The following NCAPH variants were observed in gnomAD, a reference collection of about 807,000 sequenced individuals.
The protein encoded by NCAPH is non-SMC condensin I complex subunit H.
NCAPH carries 38 observed loss-of-function variants against 85.5 expected under a neutral mutation model. The ratio of observed to expected loss-of-function variants is 0.44; its 90% CI spans 0.34 to 0.58. The LOEUF is 0.58. Among genes scored for constraint, NCAPH ranks in the 20% least tolerant of loss-of-function variants. The pLI, the probability that NCAPH is intolerant of heterozygous loss-of-function variation, is 0.01. For synonymous variants in NCAPH, 301 were observed against 335.1 expected, an observed-to-expected ratio of 0.90 and a Z score of 1.11; for missense variants, 789 against 916.6, an observed-to-expected ratio of 0.86 and a Z score of 1.80.
rs1427928178 is a variant in NCAPH at position 96,373,950 on chromosome 2, G to A, written c.*599G>A. The A allele has an allele frequency of 1.3e-5, 2 of 152,338 alleles. No homozygotes were observed. Among genetic ancestry groups the A allele is most frequent in the Non-Finnish European group, 2.9e-5 (2 of 68,076 alleles). The allele number at this position is 152,338 out of a possible 1,614,324, so 9.4% of individuals were successfully genotyped here. ...CACCTGTCAGTATAAGGCAGAAGAT[G>A]CCTAAGGGCCAAGATGGTTTGCCTC... On this transcript the variant is annotated 3_prime_UTR_variant, in exon 18 of 18. Transcript: ENST00000240423.
intron 1 of NCAPH, among the ~76,000 whole-genome samples, 155 bp downstream of exon 1, chr2:96,336,003 A>G (rs1486292845): frequency 7.9e-6 from 1 of 126,036 alleles, no homozygotes; most frequent in African/African-American, 3.0e-5. Context: ...GTGCGGGGGG[A>G]GGGGAGGGCC....
At chr2:96,335,999 GGGGA>G in intron 1 of NCAPH, 151 bp downstream of exon 1, 5 of 768,214 alleles carry the variant, frequency 6.5e-6, no homozygotes, top group Non-Finnish European at 5.6e-6. Context: ...GCCGGTGCGG[GGGGA>G]GGGGAGGGCC....
At chr2:96,362,304 C>T (rs767893152) in intron 12 of NCAPH, among the ~76,000 whole-genome samples, 9 of 151,858 alleles carry the variant, frequency 5.9e-5, no homozygotes, top group Non-Finnish European at 1.3e-4. Flanking sequence ...GAAGTTGATT[C>T]TGACTCTTAT....
At position 96,342,075 on chromosome 2, in the gene NCAPH, C is replaced by A. The variant is rs1265273007; in HGVS notation, c.298C>A (p.Pro100Thr). The A allele has an allele frequency of 6.2e-7, 1 of 1,612,542 alleles. No individual in the cohort carries two copies. The highest frequency in any genetic ancestry group is 1.7e-5 in the Admixed American group (1 of 60,014). The change falls in exon 3 of 18, where the codon CCC (proline) becomes ACC (threonine). Residue 100 changes from proline (P) to threonine (T), a missense_variant. Transcript: ENST00000240423. ...GAGTATTGACATTTCAGCTACTATC[C>A]CCAAGTTTACAAACACGCAGATTAC... ...SRSIDISATI[P>T]KFTNTQITEH... is the part of the protein sequence containing the mutation.
At chr2:96,359,686 T>A (rs1226812810) in intron 10 of NCAPH, among the ~76,000 whole-genome samples, 1 of 152,234 alleles carries the variant, frequency 6.6e-6, no homozygotes, top group Admixed American at 6.5e-5. Flanking sequence ...AGTGCAGTGG[T>A]GAATCATGGC....
chr2:96,360,523 A>C, intron 11 of NCAPH, 65 bp from the exon 12 acceptor site: 1 of 1,587,634 alleles, frequency 6.3e-7, no homozygotes, highest in Non-Finnish European at 8.6e-7. Context: ...GACTGCTTTA[A>C]AAAAAGTAAG....
At chr2:96,367,825 A>G (rs2064720903) in intron 15 of NCAPH, among the ~76,000 whole-genome samples, 2 of 152,228 alleles carry the variant, frequency 1.3e-5, no homozygotes, top group African/African-American at 4.8e-5. Flanking sequence ...TCTTGATGCT[A>G]CTTTAAAACA....
chr2:96,340,647 C>A (rs1363030658), intron 1 of NCAPH, among the ~76,000 whole-genome samples: 6 of 152,118 alleles, frequency 3.9e-5, no homozygotes, highest in Non-Finnish European at 7.3e-5. Context: ...ACCTCGGCCT[C>A]CCAAAGTGTT....
At chr2:96,368,181 T>C (rs2064725278) in intron 15 of NCAPH, among the ~76,000 whole-genome samples, 1 of 152,200 alleles carries the variant, frequency 6.6e-6, no homozygotes, top group Non-Finnish European at 1.5e-5. Flanking sequence ...AACTCATAAG[T>C]TGATTGAGGG....
chr2:96,371,984 T>G (rs1333258493), intron 17 of NCAPH, among the ~76,000 whole-genome samples: 1 of 152,190 alleles, frequency 6.6e-6, no homozygotes, highest in East Asian at 1.9e-4. Context: ...TGTCTCTGCA[T>G]GTTAGCAGTG....
intron 1 of NCAPH, among the ~76,000 whole-genome samples, chr2:96,339,151 C>T (rs756140365): frequency 3.3e-5 from 5 of 152,216 alleles, no homozygotes; most frequent in African/African-American, 9.6e-5. Context: ...TCATTTGTGA[C>T]AGCAGCCATA....
Position 96,342,133 on chromosome 2 carries a change from C to A in NCAPH, c.356C>A (p.Thr119Asn). ...EHYSTCIKLS[T>N]ENKITTKNAF... Reference sequence around the variant, plus strand: ...TACTCCACCTGTATCAAACTGTCCACTGAAAATGTGAGTATTTGCTGGTTT... The same window carrying A: ...TACTCCACCTGTATCAAACTGTCCAATGAAAATGTGAGTATTTGCTGGTTT... Residue 119 changes from threonine (T) to asparagine (N), a missense_variant, in exon 3 of 18, where the codon ACT becomes AAT. Transcript: ENST00000240423. The A allele has an allele frequency of 6.2e-7, 1 of 1,605,708 alleles. No homozygotes were observed. Among genetic ancestry groups the A allele is most frequent in the Non-Finnish European group, 8.5e-7 (1 of 1,172,276 alleles).
intron 6 of NCAPH, among the ~76,000 whole-genome samples, chr2:96,348,190 CTT>C (rs544549788): frequency 1.7e-4 from 24 of 139,444 alleles, no homozygotes; most frequent in Admixed American, 3.6e-4. Context: ...AGGTCTCTCT[CTT>C]TTTTTTTTTT....
chr2:96,365,730 G>C (rs2064688506), intron 13 of NCAPH, 146 bp from the exon 14 acceptor site: 3 of 777,042 alleles, frequency 3.9e-6, no homozygotes, highest in African/African-American at 3.5e-5. Context: ...GATAACTAGA[G>C]GCACCTAGAA....
intron 1 of NCAPH, 189 bp from the exon 2 acceptor site, chr2:96,341,453 A>G (rs961415712): frequency 7.7e-6 from 5 of 651,110 alleles, no homozygotes; most frequent in Non-Finnish European, 7.7e-6. Flanking sequence ...AAGCATCAGA[A>G]ACCTATGGCC....
intron 12 of NCAPH, among the ~76,000 whole-genome samples, chr2:96,361,040 CTTT>C (rs760283642): frequency 2.3e-5 from 2 of 86,748 alleles, no homozygotes; most frequent in Non-Finnish European, 4.5e-5. Context: ...TTGCTTTCTC[CTTT>C]TTTTTTTTTT....
rs2064840022 is a variant in NCAPH, at chr2:96,377,074, A to T, written c.*3723A>T. 6.6e-6 allele frequency among the ~76,000 whole-genome samples: 1 copy of T among 151,578 alleles called. No individual in the cohort carries two copies. The highest frequency in any genetic ancestry group is 1.5e-5 in the Non-Finnish European group (1 of 67,942). ...ACCCACAACTATTTAAAAAATAATA[A>T]AATTTTAAAAAATTGTCTTTATGTT... On this transcript the variant is annotated 3_prime_UTR_variant, in exon 18 of 18. Transcript: ENST00000240423.
intron 1 of NCAPH, among the ~76,000 whole-genome samples, chr2:96,339,672 T>C (rs1477306399): frequency 6.6e-6 from 1 of 152,048 alleles, no homozygotes; most frequent in Admixed American, 6.6e-5. Flanking sequence ...CCATCTTCAC[T>C]TGAACCACTC....
chr2:96,359,172 C>T lies in NCAPH; in HGVS notation c.1336C>T (p.Arg446Cys), dbSNP rs756191587. The change falls in exon 10 of 18, where the codon CGC becomes TGC. Residue 446 changes from arginine (R) to cysteine (C), a missense_variant. Coordinates refer to ENST00000240423, the MANE Select transcript of NCAPH (RefSeq NM_015341.5). ...GATGTGGGCTGGCCCGGATCACTGG[C>T]GCTTTAGGCCTCGACGCAAACGTAT... ...MSMWAGPDHWRFRPRRKQDAP... is the reference protein window; with the variant it reads ...MSMWAGPDHWCFRPRRKQDAP... 1.7e-5 allele frequency: 28 copies of T among 1,613,900 alleles called. No homozygotes were observed. Among genetic ancestry groups the T allele is most frequent in the African/African-American group, 6.7e-5 (5 of 74,870 alleles).
Sources: allele counts gnomAD v4.1 joint callset (sites outside exome capture counted in the v4.1 genomes callset), GRCh38; gene constraint gnomAD v4.1.1; transcripts MANE v1.5; gene names NCBI Gene and HGNC (gene_info 2026-07-23, HGNC 2026-07-21).